HDAC7: variants seen among roughly 807,000 people sequenced by gnomAD.
HDAC7 encodes the protein histone deacetylase 7.
In HDAC7, 26 loss-of-function variants were observed where a neutral mutation model predicts 115.5. The observed-to-expected ratio is 0.23, with a 90% CI of 0.16 to 0.31. HDAC7 has a LOEUF of 0.31. HDAC7 is among the 10% of genes least tolerant of loss of function. HDAC7 has a pLI of 1.00. For missense variants in HDAC7, 1,068 were observed against 1,329.0 expected, an observed-to-expected ratio of 0.80 and a Z score of 3.05; for synonymous variants, 564 against 550.9, an observed-to-expected ratio of 1.02 and a Z score of -0.33.
In HDAC7 at chr12:47,803,296, G is replaced by A. The variant is rs1043087690; in HGVS notation, c.20-1022C>T. On this transcript the variant is annotated intron_variant, in intron 1 of 25. Transcript: ENST00000080059. The surrounding 1 kb of genome is among the most constrained non-coding windows in gnomAD (Gnocchi z 4.0). ...CAGAAGCGCTCTGCTGGCCAGACTT[G>A]GGGCAGAAGGGATATTTTTTGAGAA... is the stretch of plus-strand genomic sequence containing the variant. Among the ~76,000 whole-genome samples, 3 of 152,224 alleles carry A rather than the reference G, an allele frequency of 2.0e-5. No homozygotes were observed. Among genetic ancestry groups the A allele is most frequent in the Non-Finnish European group, 4.4e-5 (3 of 68,036 alleles).
In HDAC7 at chr12:47,795,829, T is replaced by C. The variant is rs1341843706; in HGVS notation, c.907-62A>G. 1.2e-4 allele frequency: 160 copies of C among 1,293,034 alleles called. No individual in the cohort carries two copies. The East Asian group carries it at 7.3e-3, about 59-fold the overall frequency. The allele number at this position is 1,293,034 out of a possible 1,614,324, so 80.1% of individuals were successfully genotyped here. A position where few individuals can be genotyped will look rare whatever the true frequency, so the allele number is the denominator to read the frequency against. On this transcript the variant is annotated intron_variant, in intron 9 of 25. Transcript: ENST00000080059. This position sits in a 1 kb window ranked among gnomAD's most constrained non-coding sequence, Gnocchi z 4.3. Reference sequence around the variant, plus strand: ...TTCCAGCAGAGAACAATGAAGATGATGGGGTGAGGCAGCAAGAAAAGGGAG... The same window carrying C: ...TTCCAGCAGAGAACAATGAAGATGACGGGGTGAGGCAGCAAGAAAAGGGAG...
intron 24 of HDAC7, chr12:47,784,879 T>G (rs1218176106): frequency 3.4e-5 from 34 of 1,009,184 alleles, no homozygotes; most frequent in Non-Finnish European, 4.9e-5. Context: ...GATATGGGAA[T>G]CTATTTTACT....
At chr12:47,801,093 T>G (rs80159524) in intron 2 of HDAC7, among the ~76,000 whole-genome samples, 1 of 152,188 alleles carries the variant, frequency 6.6e-6, no homozygotes, top group Non-Finnish European at 1.5e-5. Context: ...ATCCTACTCT[T>G]TGCTCAAAGC....
chr12:47,791,405 G>A, intron 15 of HDAC7, 97 bp from the exon 16 acceptor site: 1 of 1,400,606 alleles, frequency 7.1e-7, no homozygotes, highest in African/African-American at 1.4e-5. Flanking sequence ...GGTGAGTATT[G>A]GGGGAGAGAA....
intron 22 of HDAC7, among the ~76,000 whole-genome samples, chr12:47,786,175 C>T (rs991840158): frequency 6.6e-6 from 1 of 152,172 alleles, no homozygotes; most frequent in Non-Finnish European, 1.5e-5. Flanking sequence ...TTTCACTGAG[C>T]TACACCCTCT....
chr12:47,808,157 CCTCAGGGCAGCTGGGGCCCTGAGG>C (rs1229965983), intron 1 of HDAC7, among the ~76,000 whole-genome samples: 2 of 152,222 alleles, frequency 1.3e-5, no homozygotes, highest in Non-Finnish European at 2.9e-5. Flanking sequence ...TTCTCCGCCA[CCTCAGGGCAGCTGGGGCCCTGAGG>C]CAGCTATTTT....
chr12:47,803,004 T>A lies in HDAC7; in HGVS notation c.20-730A>T, dbSNP rs1403821410. On this transcript the variant is annotated intron_variant, in intron 1 of 25. Transcript: ENST00000080059. This position sits in a 1 kb window ranked among gnomAD's most constrained non-coding sequence, Gnocchi z 4.0. ...CCTACTCAGCCTCTTTCCCAGATAA[T>A]CTGAGATAGAAATCTTTTCTTTTGG... is the stretch of plus-strand genomic sequence containing the variant. Among the ~76,000 whole-genome samples, 1 of 152,200 alleles carries A rather than the reference T, an allele frequency of 6.6e-6. No individual in the cohort carries two copies. The highest frequency in any genetic ancestry group is 1.5e-5 in the Non-Finnish European group (1 of 68,030).
rs373967377 is a variant in HDAC7, at chr12:47,785,391, C to T, written c.2787G>A (p.Val929=). Residue 929 remains valine (V), a synonymous_variant, in exon 24 of 26, where the codon GTG becomes GTA. Transcript: ENST00000080059. ...GTGTCCCATCTCCACACTTACTGTG[C>T]ACCCGGATCACGGCCTCCAGAGAGC... is the stretch of plus-strand genomic sequence containing the variant. ...AIRSLEAVIR[V]HSKYWGCMQR... 8 of 1,608,094 alleles carry T rather than the reference C, an allele frequency of 5.0e-6. No individual in the cohort carries two copies. In the African/African-American group the frequency reaches 6.7e-5, roughly 13 times the overall value.
At position 47,815,287 on chromosome 12, in the gene HDAC7, C is replaced by A. The variant is rs573179857; in HGVS notation, c.19+4480G>T. On this transcript the variant is annotated intron_variant, in intron 1 of 25. Coordinates refer to ENST00000080059, the MANE Select transcript of HDAC7 (RefSeq NM_015401.5). ...CAGCCCCAATTAGCACCAGCCCAAT[C>A]GGGTCCACGTCATCACAAAGTGTAG... Among the ~76,000 whole-genome samples, 131 of 152,288 alleles carry A rather than the reference C, an allele frequency of 8.6e-4. 3 individuals carry two copies. The highest frequency in any genetic ancestry group is 5.3e-4 in the Non-Finnish European group (36 of 68,022).
intron 1 of HDAC7, among the ~76,000 whole-genome samples, chr12:47,806,309 CG>C (rs1944401329): frequency 6.6e-6 from 1 of 152,242 alleles, no homozygotes; most frequent in Non-Finnish European, 1.5e-5. Flanking sequence ...CCGACTCCCT[CG>C]GTGACTGGCA....
intron 18 of HDAC7, 30 bp from the exon 19 acceptor site, chr12:47,789,378 A>C: frequency 6.3e-7 from 1 of 1,598,718 alleles, no homozygotes; most frequent in Non-Finnish European, 8.6e-7. Context: ...CTGCCAGCCC[A>C]TTCTCTCCAC....
rs754313831 is a variant in HDAC7 at position 47,783,419 on chromosome 12, G to C, written c.*422C>G. ...CCTAGAGCCTAGGAAGGGCCAGCCT[G>C]TCTGAGGCCAAGTTCACATTTCTGT... On this transcript the variant is annotated 3_prime_UTR_variant, in exon 26 of 26. Transcript: ENST00000080059. 6.9e-5 allele frequency: 15 copies of C among 218,668 alleles called. No individual in the cohort carries two copies. The Middle Eastern group carries it at 5.7e-3, about 83-fold the overall frequency. The allele number at this position is 218,668 out of a possible 1,614,324, so 13.5% of individuals were successfully genotyped here.
In HDAC7 at chr12:47,797,689, A is replaced by G. The variant is rs965923543; in HGVS notation, c.462-190T>C. Among the ~76,000 whole-genome samples the G allele has an allele frequency of 6.6e-6, 1 of 152,212 alleles. No individual in the cohort carries two copies. The highest frequency in any genetic ancestry group is 1.5e-5 in the Non-Finnish European group (1 of 68,032). ...CTGTCCGCTCCAGCAGCTATAGTGCAGAGCTCTGACCTAGGCATAGAAGCC... is the reference window on the plus strand; with the variant it reads ...CTGTCCGCTCCAGCAGCTATAGTGCGGAGCTCTGACCTAGGCATAGAAGCC... On this transcript the variant is annotated intron_variant, in intron 5 of 25. Coordinates refer to ENST00000080059, the MANE Select transcript of HDAC7 (RefSeq NM_015401.5). The surrounding 1 kb of genome is among the most constrained non-coding windows in gnomAD (Gnocchi z 5.5).
intron 13 of HDAC7, chr12:47,792,969 G>A (rs1006224582): frequency 2.5e-5 from 7 of 274,924 alleles, no homozygotes; most frequent in African/African-American, 8.8e-5. Flanking sequence ...CTTCTGGGTG[G>A]TGGGATACTG....
chr12:47,793,909 G>A lies in HDAC7; in HGVS notation c.1459-321C>T, dbSNP rs552998683. Among the ~76,000 whole-genome samples, 8 of 152,318 alleles carry A rather than the reference G, an allele frequency of 5.3e-5. No homozygotes were observed. In the South Asian group the frequency reaches 1.7e-3, roughly 32 times the overall value. ...TCCTCCTGTCCTGGACTATGTAACTGTTCAAGAACATGTGTGTGGCCTGTC... is the reference window on the plus strand; with the variant it reads ...TCCTCCTGTCCTGGACTATGTAACTATTCAAGAACATGTGTGTGGCCTGTC... On this transcript the variant is annotated intron_variant, in intron 12 of 25. Coordinates refer to ENST00000080059, the MANE Select transcript of HDAC7 (RefSeq NM_015401.5). The surrounding 1 kb of genome is among the most constrained non-coding windows in gnomAD (Gnocchi z 4.5).
chr12:47,796,412 T>C (rs1438459505), intron 7 of HDAC7, 114 bp from the exon 8 acceptor site: 3 of 637,314 alleles, frequency 4.7e-6, no homozygotes, highest in African/African-American at 3.8e-5. Context: ...ACGAGCACCT[T>C]TGCTTCCTGC....
At chr12:47,787,844 G>T in intron 20 of HDAC7, 35 bp from the exon 21 acceptor site, 1 of 1,585,660 alleles carries the variant, frequency 6.3e-7, no homozygotes, top group Non-Finnish European at 8.6e-7. Flanking sequence ...CATGAGGACA[G>T]CAGAGTCCCA....
In HDAC7 at chr12:47,797,856, G is replaced by T. The variant is rs1477257872; in HGVS notation, c.461+252C>A. ...CATGTGCAAGAAAAAAGCCAGTAGG[G>T]TGTGTGTGTGTGTGTGTGTGTGTGT... On this transcript the variant is annotated intron_variant, in intron 5 of 25. Transcript: ENST00000080059. This position sits in a 1 kb window ranked among gnomAD's most constrained non-coding sequence, Gnocchi z 5.5. 9.1e-5 allele frequency among the ~76,000 whole-genome samples: 2 copies of T among 21,990 alleles called. No homozygotes were observed. Among genetic ancestry groups the T allele is most frequent in the Admixed American group, 1.3e-3 (2 of 1,596 alleles). The allele number at this position is 21,990 out of a possible 152,430, so 14.4% of individuals were successfully genotyped here.
In HDAC7 at chr12:47,789,292, C is replaced by G; in HGVS notation, c.2204G>C (p.Ser735Thr). 1.2e-6 allele frequency: 2 copies of G among 1,614,116 alleles called. No homozygotes were observed. Among genetic ancestry groups the G allele is most frequent in the Non-Finnish European group, 1.7e-6 (2 of 1,179,990 alleles). ...AIACRQLQQQ[S>T]KASKILIVDW... Reference sequence around the variant, plus strand: ...TACAATGAGGATCTTGCTGGCCTTGCTCTGCTGTTGCAGCTGCCGGCAGGC... The same window carrying G: ...TACAATGAGGATCTTGCTGGCCTTGGTCTGCTGTTGCAGCTGCCGGCAGGC... Residue 735 changes from serine (S) to threonine (T), a missense_variant, in exon 19 of 26, where the codon AGC (serine) becomes ACC (threonine). Coordinates refer to ENST00000080059, the MANE Select transcript of HDAC7 (RefSeq NM_015401.5).
Sources: gnomAD v4.1 joint callset for allele counts (sites outside exome capture counted in the v4.1 genomes callset) on GRCh38, gnomAD v4.1.1 for gene constraint, Gnocchi (gnomAD v3.1) non-coding constraint, MANE v1.5 for transcripts, NCBI Gene and HGNC (gene_info 2026-07-23, HGNC 2026-07-21) for gene names.